The following CFAP44 variants were observed in gnomAD, a reference collection of about 807,000 sequenced individuals.
CFAP44 encodes the protein cilia- and flagella-associated protein 44.
CFAP44 carries 134 observed loss-of-function variants against 216.2 expected under a neutral mutation model. That is an observed-to-expected ratio of 0.62 (90% confidence interval 0.54 to 0.72). The LOEUF (loss-of-function observed/expected upper bound fraction) is 0.72. CFAP44 is among the 30% of genes least tolerant of loss of function. The pLI, the probability that CFAP44 is intolerant of heterozygous loss-of-function variation, is 0.00. For synonymous variants in CFAP44, 700 were observed against 727.6 expected (o/e 0.96, Z 0.61); for missense variants, 2,035 against 2,182.1 (o/e 0.93, Z 1.34).
intron 15 of CFAP44, among the ~76,000 whole-genome samples, chr3:113,386,798 G>T (rs1269824212): frequency 1.3e-5 from 2 of 152,218 alleles, no homozygotes; most frequent in African/African-American, 2.4e-5. Flanking sequence ...AAGAGGCACT[G>T]CAGAGGGTAG....
At chr3:113,439,693 G>T (rs1211000174) in intron 1 of CFAP44, among the ~76,000 whole-genome samples, 2 of 152,168 alleles carry the variant, frequency 1.3e-5, no homozygotes, top group Non-Finnish European at 2.9e-5. Context: ...AAAGAAAAAG[G>T]GAAAATAATA....
At chr3:113,324,042 C>CAGAAAAAAAAAAA (rs1950168402) in intron 28 of CFAP44, among the ~76,000 whole-genome samples, 1 of 71,868 alleles carries the variant, frequency 1.4e-5, no homozygotes, top group South Asian at 5.5e-4. Flanking sequence ...GACTCCGTCT[C>CAGAAAAAAAAAAA]AAAAAAAAAA....
Position 113,350,142 on chromosome 3 carries a change from G to A in CFAP44, c.3066-5430C>T, listed in dbSNP as rs1950428782. ...AGAGGGGAGAACAGCAGCATAAGCGGCTGGCAGAGGCAGAGAAAGACCAGC... is the reference window on the plus strand; with the variant it reads ...AGAGGGGAGAACAGCAGCATAAGCGACTGGCAGAGGCAGAGAAAGACCAGC... On this transcript the variant is annotated intron_variant, in intron 22 of 34. Coordinates refer to ENST00000393845, the MANE Select transcript of CFAP44 (RefSeq NM_001164496.2). Among the ~76,000 whole-genome samples the A allele has an allele frequency of 2.0e-5, 3 of 152,056 alleles. No homozygotes were observed. In the South Asian group the frequency reaches 6.2e-4, roughly 32 times the overall value.
Position 113,409,151 on chromosome 3 carries a change from G to A in CFAP44, c.845C>T (p.Pro282Leu), listed in dbSNP as rs764958494. The change falls in exon 7 of 35, where the codon CCT becomes CTT. Residue 282 changes from proline to leucine, a missense_variant. This residue lies in a region of CFAP44 where 1,883 missense variants were observed against 2,023.7 expected (regional missense o/e 0.93). Coordinates refer to ENST00000393845, the MANE Select transcript of CFAP44 (RefSeq NM_001164496.2). Reference protein sequence around the residue: ...SQEVFKVTFNPDKEEQLTTSG... With the variant: ...SQEVFKVTFNLDKEEQLTTSG... ...TGTAGTAAGCTGCTCTTCCTTATCA[G>A]GATTGAAAGTAACCTTAAAAACTTC... The A allele has an allele frequency of 3.7e-6, 6 of 1,613,950 alleles. No homozygotes were observed. Among genetic ancestry groups the A allele is most frequent in the Middle Eastern group, 3.3e-4 (2 of 6,062 alleles).
At position 113,433,599 on chromosome 3, in the gene CFAP44, C is replaced by T. The variant is rs146569166; in HGVS notation, c.66G>A (p.Lys22=). Residue 22 remains lysine (K), a synonymous_variant, in exon 2 of 35, where the codon AAG becomes AAA. Transcript: ENST00000393845. ...CTGATTTAGAAGACCTCAGAGACTT[C>T]TTCCCATCACTCTTTGATGTAACTG... ...EKSVTSKSDG[K]KSLRSSKSES... 5.3e-4 allele frequency: 860 copies of T among 1,613,160 alleles called. 4 individuals carry two copies. Among genetic ancestry groups the T allele is most frequent in the Admixed American group, 2.5e-3 (150 of 60,000 alleles).
chr3:113,385,956 T>C (rs912365542), intron 15 of CFAP44, among the ~76,000 whole-genome samples: 2 of 152,012 alleles, frequency 1.3e-5, no homozygotes, highest in Non-Finnish European at 2.9e-5. Flanking sequence ...TGTTTCTTTA[T>C]TGATTTTCGA....
chr3:113,305,168 TG>T lies in CFAP44; in HGVS notation c.4759-17del. On this transcript the variant is annotated splice_polypyrimidine_tract_variant and intron_variant, in intron 30 of 34. Transcript: ENST00000393845. ...CAATTTTCACCTGTAGAAAGCCCCG[TG>T]TTGTGAAATGGTGACAAGACTCAAT... is the stretch of plus-strand genomic sequence containing the variant. 2 of 1,531,240 alleles carry T rather than the reference TG, an allele frequency of 1.3e-6. No homozygotes were observed. Among genetic ancestry groups the T allele is most frequent in the Non-Finnish European group, 1.8e-6 (2 of 1,141,510 alleles). The allele number at this position is 1,531,240 out of a possible 1,614,324, so 94.9% of individuals were successfully genotyped here.
rs1949814118 is a variant in CFAP44, at chr3:113,290,029, C to T, written c.*1528G>A. The stretch of plus-strand genomic sequence containing the variant: ...CCCCAGATTCCTGGACCTCAGAAAC[C>T]CTCTCACTCCTGGGTGAGATCACAA... On this transcript the variant is annotated 3_prime_UTR_variant, in exon 35 of 35. Transcript: ENST00000393845. 1 of 152,234 alleles carries T rather than the reference C, an allele frequency of 6.6e-6. No homozygotes were observed. The highest frequency in any genetic ancestry group is 2.4e-5 in the African/African-American group (1 of 41,452). 9.4% of individuals were successfully genotyped at this position (152,234 alleles called of 1,614,324 possible). A position where few individuals can be genotyped will look rare whatever the true frequency, so the allele number is the denominator to read the frequency against.
intron 21 of CFAP44, among the ~76,000 whole-genome samples, chr3:113,362,363 T>C (rs1950549326): frequency 6.6e-6 from 1 of 152,218 alleles, no homozygotes; most frequent in South Asian, 2.1e-4. Context: ...CTGCTGGTAG[T>C]AGCAGGCATC....
chr3:113,330,735 C>T, intron 25 of CFAP44, 67 bp from the exon 26 acceptor site: 2 of 1,438,024 alleles, frequency 1.4e-6, no homozygotes, highest in Non-Finnish European at 1.8e-6. Flanking sequence ...GGAATATGAT[C>T]TGCTCTTTTC....
chr3:113,296,956 T>A (rs1015665516), intron 32 of CFAP44, 71 bp from the exon 33 acceptor site: 3 of 1,487,072 alleles, frequency 2.0e-6, no homozygotes, highest in Non-Finnish European at 1.8e-6. Context: ...CCAGGAACAA[T>A]AACATTCTAA....
chr3:113,405,626 T>C (rs1934255838), intron 8 of CFAP44, among the ~76,000 whole-genome samples: 1 of 152,232 alleles, frequency 6.6e-6, no homozygotes. Flanking sequence ...TTTGCCAACA[T>C]AAATGGTTAA....
At chr3:113,309,450 C>T (rs1399701155) in intron 28 of CFAP44, among the ~76,000 whole-genome samples, 1 of 152,090 alleles carries the variant, frequency 6.6e-6, no homozygotes, top group Non-Finnish European at 1.5e-5. Flanking sequence ...ATTATAGTAG[C>T]CCCCCTGAAT....
At chr3:113,302,992 C>T (rs922980009) in intron 32 of CFAP44, among the ~76,000 whole-genome samples, 3 of 152,094 alleles carry the variant, frequency 2.0e-5, no homozygotes, top group African/African-American at 7.2e-5. Context: ...AGATATTTAA[C>T]TTCACCAGCA....
At chr3:113,360,094 G>T (rs1559922816) in intron 21 of CFAP44, among the ~76,000 whole-genome samples, 1 of 149,108 alleles carries the variant, frequency 6.7e-6, no homozygotes, top group African/African-American at 2.5e-5. Context: ...AAAAAAAAAA[G>T]TGTGGTAGGT....
chr3:113,328,403 T>C (rs1368775605), intron 26 of CFAP44, among the ~76,000 whole-genome samples: 2 of 151,578 alleles, frequency 1.3e-5, no homozygotes, highest in African/African-American at 2.4e-5. Flanking sequence ...ATGGTCCTAC[T>C]AATTTTAAGT....
chr3:113,425,165 ATTAAT>A (rs1359143317), intron 4 of CFAP44, among the ~76,000 whole-genome samples: 8 of 152,074 alleles, frequency 5.3e-5, no homozygotes, highest in Non-Finnish European at 8.8e-5. Flanking sequence ...ATCAGCACGA[ATTAAT>A]TTAGTTACAC....
At chr3:113,431,538 A>G (rs560918859) in intron 2 of CFAP44, among the ~76,000 whole-genome samples, 13 of 152,276 alleles carry the variant, frequency 8.5e-5, no homozygotes, top group African/African-American at 2.9e-4. Flanking sequence ...CTAGGGGGGA[A>G]CAAACTAAAG....
At chr3:113,371,420 C>T (rs1030900311) in intron 18 of CFAP44, among the ~76,000 whole-genome samples, 1 of 151,948 alleles carries the variant, frequency 6.6e-6, no homozygotes, top group Middle Eastern at 3.2e-3. Flanking sequence ...CTCAGAAATA[C>T]CACCACACAT....
Sources: gnomAD v4.1 joint callset for allele counts (sites outside exome capture counted in the v4.1 genomes callset) on GRCh38, gnomAD v4.1.1 for gene constraint, gnomAD v4.1.1 regional missense constraint, MANE v1.5 for transcripts, NCBI Gene and HGNC (gene_info 2026-07-23, HGNC 2026-07-21) for gene names.